Variants in OPCML observed in about 807,000 individuals in gnomAD.
OPCML encodes the protein opioid-binding protein/cell adhesion molecule.
Under a neutral mutation model 37.8 loss-of-function variants are expected in OPCML, and 13 were observed. The observed-to-expected ratio is 0.34, with a 90% CI of 0.22 to 0.55. The LOEUF (loss-of-function observed/expected upper bound fraction) is 0.55. Among genes scored for constraint, OPCML ranks in the 20% least tolerant of loss-of-function variants. The pLI is 0.91. For synonymous variants in OPCML, 176 were observed against 168.8 expected, an observed-to-expected ratio of 1.04 and a Z score of -0.33; for missense variants, 341 against 435.6, an observed-to-expected ratio of 0.78 and a Z score of 1.93.
At chr11:132,681,748 G>T (rs1002943515) in intron 2 of OPCML, among the ~76,000 whole-genome samples, 3 of 152,078 alleles carry the variant, frequency 2.0e-5, no homozygotes, top group Admixed American at 2.0e-4. Flanking sequence ...GAGGTCAGGA[G>T]ATCGAGACCA....
At chr11:132,662,897 A>G (rs1942045797) in intron 2 of OPCML, among the ~76,000 whole-genome samples, 3 of 152,356 alleles carry the variant, frequency 2.0e-5, no homozygotes, top group South Asian at 4.1e-4. Flanking sequence ...GTGTCCTCAT[A>G]TATTGAGGAC....
intron 1 of OPCML, among the ~76,000 whole-genome samples, chr11:133,265,281 G>A (rs1013903326): frequency 1.3e-5 from 2 of 152,348 alleles, no homozygotes; most frequent in South Asian, 4.1e-4. Flanking sequence ...AGCAATGTCT[G>A]ACTCAGGGTA....
intron 1 of OPCML, among the ~76,000 whole-genome samples, chr11:133,041,760 G>A (rs1252846553): frequency 4.6e-5 from 7 of 152,176 alleles, no homozygotes; most frequent in African/African-American, 1.7e-4. Flanking sequence ...ATGGGAGAAT[G>A]TACTTAAAAA....
intron 1 of OPCML, among the ~76,000 whole-genome samples, chr11:133,320,051 AAT>A (rs1565569953): frequency 6.6e-6 from 1 of 152,204 alleles, no homozygotes; most frequent in Admixed American, 6.5e-5. Context: ...GTGGTGAAGC[AAT>A]GTCTGTCCTT....
At chr11:132,775,260 G>A (rs1946772932) in intron 2 of OPCML, among the ~76,000 whole-genome samples, 1 of 152,178 alleles carries the variant, frequency 6.6e-6, no homozygotes, top group Non-Finnish European at 1.5e-5. Context: ...AGAGCTACTT[G>A]TAGTTGGAGC....
intron 2 of OPCML, among the ~76,000 whole-genome samples, chr11:132,809,604 A>G (rs200866099): frequency 2.0e-5 from 3 of 152,206 alleles, no homozygotes; most frequent in East Asian, 3.8e-4. Flanking sequence ...CAGTAAGCAT[A>G]ATACACTGAT....
chr11:133,329,655 A>T (rs1943570312), intron 1 of OPCML, among the ~76,000 whole-genome samples: 1 of 152,212 alleles, frequency 6.6e-6, no homozygotes, highest in Non-Finnish European at 1.5e-5. Flanking sequence ...CTGAAACTGG[A>T]TCCCTTCCTT....
intron 1 of OPCML, among the ~76,000 whole-genome samples, chr11:133,171,839 T>TAGGGGAG (rs1169430350): frequency 1.3e-5 from 2 of 152,120 alleles, no homozygotes; most frequent in Admixed American, 6.5e-5. Flanking sequence ...AGAACCTCCT[T>TAGGGGAG]AGGGGAGAGA....
chr11:132,903,765 C>A (rs1462885907), intron 2 of OPCML, among the ~76,000 whole-genome samples: 3 of 152,150 alleles, frequency 2.0e-5, no homozygotes, highest in African/African-American at 7.2e-5. Flanking sequence ...CAGGAAACAC[C>A]GTTGGGAATG....
chr11:132,522,520 T>C (rs1029288937), intron 4 of OPCML, among the ~76,000 whole-genome samples: 1 of 152,230 alleles, frequency 6.6e-6, no homozygotes, highest in African/African-American at 2.4e-5. Flanking sequence ...ATTCAAAGAA[T>C]GCATTCAAAT....
intron 1 of OPCML, among the ~76,000 whole-genome samples, chr11:133,080,182 G>A (rs1156298193): frequency 6.6e-6 from 1 of 152,176 alleles, no homozygotes; most frequent in African/African-American, 2.4e-5. Context: ...ATGGCCGGAT[G>A]TATAGACCTG....
intron 1 of OPCML, among the ~76,000 whole-genome samples, chr11:133,053,145 A>C (rs1948162485): frequency 6.6e-6 from 1 of 152,142 alleles, no homozygotes; most frequent in African/African-American, 2.4e-5. Context: ...CATTCACCAG[A>C]TTTGGGACCC....
At chr11:133,314,042 C>T (rs7930043) in intron 1 of OPCML, among the ~76,000 whole-genome samples, 90,815 of 149,864 alleles carry the variant, frequency 0.61, 29,484 homozygotes, top group East Asian at 0.84. Flanking sequence ...GAGACCATCC[C>T]GGCTAACACG....
At chr11:132,827,122 G>A (rs554979876) in intron 2 of OPCML, among the ~76,000 whole-genome samples, 1 of 152,186 alleles carries the variant, frequency 6.6e-6, no homozygotes. Flanking sequence ...AAGATAATGA[G>A]AAGACAAGAC....
rs971723574 is a variant in OPCML, at chr11:133,481,129, G to A, written c.61+51135C>T. ...TTATCGAGATTAACCATATATGACT[G>A]TGAAGTTGTAACACAAATTTGGGAC... On this transcript the variant is annotated intron_variant, in intron 1 of 7. Transcript: ENST00000524381. Among the ~76,000 whole-genome samples the A allele has an allele frequency of 5.9e-5, 9 of 152,290 alleles. No homozygotes were observed. In the East Asian group the frequency reaches 1.7e-3, roughly 29 times the overall value.
rs543298118 is a variant in OPCML at position 133,254,266 on chromosome 11, C to T, written c.61+277998G>A. On this transcript the variant is annotated intron_variant, in intron 1 of 7. Coordinates refer to ENST00000524381, the MANE Select transcript of OPCML (RefSeq NM_001012393.5). ...AGCACATTTTGGGCAGCAGGAAAGG[C>T]GATGCAGCCCCAGAAAGAACTATGT... Among the ~76,000 whole-genome samples the T allele has an allele frequency of 3.9e-5, 6 of 152,244 alleles. No individual in the cohort carries two copies. The East Asian group carries it at 5.8e-4, about 15-fold the overall frequency.
chr11:132,452,114 C>T (rs940585930), intron 4 of OPCML, among the ~76,000 whole-genome samples: 2 of 152,168 alleles, frequency 1.3e-5, no homozygotes, highest in Non-Finnish European at 2.9e-5. Flanking sequence ...AACATTTTCC[C>T]TGCCCCATCC....
intron 1 of OPCML, among the ~76,000 whole-genome samples, chr11:133,527,714 G>C (rs995264679): frequency 6.6e-6 from 1 of 152,164 alleles, no homozygotes; most frequent in Admixed American, 6.5e-5. Flanking sequence ...CAGCTACTCT[G>C]TGCAGTTGGA....
intron 1 of OPCML, among the ~76,000 whole-genome samples, chr11:133,345,666 C>T (rs1943982826): frequency 6.6e-6 from 1 of 152,130 alleles, no homozygotes; most frequent in Admixed American, 6.5e-5. Flanking sequence ...TTGTAACTTC[C>T]TTCTGGTACT....
Sources: allele counts gnomAD v4.1 joint callset (sites outside exome capture counted in the v4.1 genomes callset), GRCh38; gene constraint gnomAD v4.1.1; transcripts MANE v1.5; gene names NCBI Gene and HGNC (gene_info 2026-07-23, HGNC 2026-07-21).